FHIT: variants seen among roughly 807,000 people sequenced by gnomAD.
FHIT encodes the protein bis(5'-adenosyl)-triphosphatase.
In FHIT, 19 loss-of-function variants were observed where a neutral mutation model predicts 17.9. The observed-to-expected ratio is 1.06, with a 90% CI of 0.74 to 1.56. The LOEUF (loss-of-function observed/expected upper bound fraction) is 1.56. Among genes scored for constraint, FHIT ranks in the 40% most tolerant of loss-of-function variants. FHIT has a pLI of 0.00. For missense variants in FHIT, 248 were observed against 189.2 expected, an observed-to-expected ratio of 1.31 and a Z score of -1.82; for synonymous variants, 81 against 69.7, an observed-to-expected ratio of 1.16 and a Z score of -0.81.
intron 5 of FHIT, among the ~76,000 whole-genome samples, chr3:60,512,510 T>C (rs2034989613): frequency 1.3e-5 from 2 of 152,260 alleles, no homozygotes; most frequent in African/African-American, 4.8e-5. Flanking sequence ...AATTCAGCTT[T>C]GTCTTTGAAT....
chr3:60,652,943 CAAAA>C (rs1553688692), intron 4 of FHIT, among the ~76,000 whole-genome samples: 9 of 150,736 alleles, frequency 6.0e-5, no homozygotes, highest in East Asian at 4.0e-4. Flanking sequence ...CAAAACAAAA[CAAAA>C]CAAAACAAAA....
intron 4 of FHIT, among the ~76,000 whole-genome samples, chr3:60,568,667 G>T (rs544393353): frequency 6.6e-6 from 1 of 152,116 alleles, no homozygotes; most frequent in East Asian, 1.9e-4. Context: ...AGAAACAGTT[G>T]CCACCTAACT....
intron 5 of FHIT, among the ~76,000 whole-genome samples, chr3:60,220,352 C>T (rs972118234): frequency 3.3e-5 from 5 of 151,862 alleles, no homozygotes; most frequent in Non-Finnish European, 4.4e-5. Flanking sequence ...CCTGTCCCCA[C>T]CTAAGTTAAA....
At chr3:60,820,749 T>G (rs572246832) in intron 4 of FHIT, among the ~76,000 whole-genome samples, 42 of 152,310 alleles carry the variant, frequency 2.8e-4, no homozygotes, top group Middle Eastern at 3.4e-3. Context: ...AGTATCTTTG[T>G]GTTCTGGTAC....
intron 2 of FHIT, among the ~76,000 whole-genome samples, chr3:61,099,453 C>T (rs1351434280): frequency 6.6e-6 from 1 of 152,002 alleles, no homozygotes; most frequent in Non-Finnish European, 1.5e-5. Context: ...GGGAGGAGTC[C>T]CTCCTCAATT....
At chr3:60,093,774 G>A (rs1703827544) in intron 5 of FHIT, among the ~76,000 whole-genome samples, 1 of 152,180 alleles carries the variant, frequency 6.6e-6, no homozygotes, top group Non-Finnish European at 1.5e-5. Context: ...GATATAGGGT[G>A]GAACAGTTTC....
chr3:60,370,671 C>CA (rs1289982219), intron 5 of FHIT, among the ~76,000 whole-genome samples: 1 of 152,114 alleles, frequency 6.6e-6, no homozygotes, highest in Admixed American at 6.5e-5. Context: ...CACTAAGCCC[C>CA]AAGAGCTTCC....
Position 60,535,964 on chromosome 3 carries a change from T to A in FHIT, c.103+896A>T, listed in dbSNP as rs191601355. On this transcript the variant is annotated intron_variant, in intron 5 of 9. Transcript: ENST00000492590. ...TGTACATTCAGAATTACTAAGAAAT[T>A]CATTTCAAAGCAAAATCATGTCTCA... 5.3e-4 allele frequency: 81 copies of A among 152,298 alleles called. 1 individual carries two copies. Among genetic ancestry groups the A allele is most frequent in the African/African-American group, 1.8e-3 (76 of 41,566 alleles). 9.4% of individuals were successfully genotyped at this position (152,298 alleles called of 1,614,324 possible). A position where few individuals can be genotyped will look rare whatever the true frequency, so the allele number is the denominator to read the frequency against.
At chr3:61,189,071 A>G (rs1317836047) in intron 2 of FHIT, among the ~76,000 whole-genome samples, 1 of 152,124 alleles carries the variant, frequency 6.6e-6, no homozygotes, top group Non-Finnish European at 1.5e-5. Flanking sequence ...CAGTGTTGGA[A>G]TTTCTGGCCA....
At position 60,140,265 on chromosome 3, in the gene FHIT, T is replaced by C. The variant is rs147978014; in HGVS notation, c.104-126113A>G. ...AACCACCATTCTCCCATTCTGATGA[T>C]AGTGCCTCAATTTTCCTGTAGGAAA... is the stretch of plus-strand genomic sequence containing the variant. On this transcript the variant is annotated intron_variant, in intron 5 of 9. Coordinates refer to ENST00000492590, the MANE Select transcript of FHIT (RefSeq NM_002012.4). Among the ~76,000 whole-genome samples, 731 of 152,278 alleles carry C rather than the reference T, an allele frequency of 4.8e-3. 5 individuals carry two copies. Among genetic ancestry groups the C allele is most frequent in the African/African-American group, 0.017 (700 of 41,560 alleles).
chr3:60,292,095 A>G (rs1038203738), intron 5 of FHIT, among the ~76,000 whole-genome samples: 6 of 152,080 alleles, frequency 3.9e-5, no homozygotes, highest in Non-Finnish European at 7.4e-5. Context: ...GAGAGCCACC[A>G]CTTGAAGCTG....
chr3:60,595,516 T>C (rs1295323641), intron 4 of FHIT, among the ~76,000 whole-genome samples: 1 of 88,408 alleles, frequency 1.1e-5, no homozygotes, highest in Non-Finnish European at 2.2e-5. Context: ...TGTGTATATA[T>C]ATATGGACAC....
At chr3:59,885,840 T>C (rs1193163316) in intron 8 of FHIT, among the ~76,000 whole-genome samples, 2 of 152,344 alleles carry the variant, frequency 1.3e-5, no homozygotes, top group Non-Finnish European at 2.9e-5. Context: ...TAGTGACTTA[T>C]ATGAACTCGC....
chr3:59,861,311 A>AG (rs1243308593), intron 8 of FHIT, among the ~76,000 whole-genome samples: 1 of 152,196 alleles, frequency 6.6e-6, no homozygotes, highest in African/African-American at 2.4e-5. Context: ...GCTGTGGAAT[A>AG]GGCAGCACTG....
At chr3:60,349,600 A>G (rs903097863) in intron 5 of FHIT, among the ~76,000 whole-genome samples, 2 of 152,148 alleles carry the variant, frequency 1.3e-5, no homozygotes, top group Non-Finnish European at 2.9e-5. Flanking sequence ...AGAAGGTACT[A>G]AACTCCAAAA....
intron 4 of FHIT, among the ~76,000 whole-genome samples, chr3:60,777,444 A>G (rs1700245764): frequency 6.6e-6 from 1 of 152,220 alleles, no homozygotes; most frequent in African/African-American, 2.4e-5. Context: ...GGAAATGTTC[A>G]GGTTAAGATA....
intron 5 of FHIT, among the ~76,000 whole-genome samples, chr3:60,228,820 G>C (rs1412237600): frequency 6.6e-6 from 1 of 152,140 alleles, no homozygotes; most frequent in Non-Finnish European, 1.5e-5. Flanking sequence ...CAGAATGAAG[G>C]GGACTGGTTC....
At chr3:60,121,499 A>C (rs1171384359) in intron 5 of FHIT, among the ~76,000 whole-genome samples, 2 of 152,056 alleles carry the variant, frequency 1.3e-5, no homozygotes, top group Non-Finnish European at 2.9e-5. Flanking sequence ...CAGCTTGGCC[A>C]ACATGGTGAG....
intron 4 of FHIT, among the ~76,000 whole-genome samples, chr3:60,691,315 C>T (rs2040984169): frequency 6.6e-6 from 1 of 151,466 alleles, no homozygotes; most frequent in Admixed American, 6.6e-5. Flanking sequence ...ATTTTTATTG[C>T]ACCTGTTCAT....
Sources: gnomAD v4.1 joint callset for allele counts (sites outside exome capture counted in the v4.1 genomes callset) on GRCh38, gnomAD v4.1.1 for gene constraint, MANE v1.5 for transcripts, NCBI Gene and HGNC (gene_info 2026-07-23, HGNC 2026-07-21) for gene names.